CSMD1: variants seen among roughly 807,000 people sequenced by gnomAD.
CSMD1 encodes CUB and Sushi multiple domains 1.
Under a neutral mutation model 417.5 loss-of-function variants are expected in CSMD1, and 213 were observed. The observed-to-expected ratio is 0.51, with a 90% CI of 0.46 to 0.57. The LOEUF (loss-of-function observed/expected upper bound fraction) is 0.57. Ranked by LOEUF, CSMD1 falls within the 20% of genes least tolerant of loss-of-function variation. The probability of loss-of-function intolerance (pLI) is 0.00; values close to 1 mark genes in which losing one functional copy is unlikely to be tolerated. For missense variants in CSMD1, 6,923 were observed against 4,529.7 expected, an observed-to-expected ratio of 1.53 and a Z score of -15.17; for synonymous variants, 2,862 against 1,736.8, an observed-to-expected ratio of 1.65 and a Z score of -16.11.
rs958373535 is a variant in CSMD1 at position 3,679,949 on chromosome 8, G to A, written c.1009+28465C>T. Reference sequence around the variant, plus strand: ...CCTGAATGACTACTGGGTACATAACGAAATGAAGGCAGAAATAAAGATGTT... The same window carrying A: ...CCTGAATGACTACTGGGTACATAACAAAATGAAGGCAGAAATAAAGATGTT... On this transcript the variant is annotated intron_variant, in intron 7 of 69. Transcript: ENST00000635120. Among the ~76,000 whole-genome samples the A allele has an allele frequency of 3.9e-5, 6 of 152,084 alleles. No individual in the cohort carries two copies. The South Asian group carries it at 8.3e-4, about 21-fold the overall frequency.
intron 5 of CSMD1, among the ~76,000 whole-genome samples, chr8:3,956,874 G>T (rs1473801258): frequency 6.6e-6 from 1 of 152,128 alleles, no homozygotes; most frequent in East Asian, 1.9e-4. Flanking sequence ...TTGGAATGCT[G>T]CAAATGTACA....
At chr8:4,217,220 T>C (rs1800736624) in intron 3 of CSMD1, among the ~76,000 whole-genome samples, 1 of 152,226 alleles carries the variant, frequency 6.6e-6, no homozygotes, top group Non-Finnish European at 1.5e-5. Context: ...CAATTACTCT[T>C]CTTGATATAA....
At chr8:4,041,595 C>A (rs371624930) in intron 3 of CSMD1, among the ~76,000 whole-genome samples, 28 of 152,030 alleles carry the variant, frequency 1.8e-4, no homozygotes, top group Admixed American at 1.2e-3. Context: ...GGCATCCAAT[C>A]AAAAAGTAAT....
intron 3 of CSMD1, among the ~76,000 whole-genome samples, chr8:4,123,278 A>C (rs1352406889): frequency 2.6e-5 from 4 of 152,212 alleles, no homozygotes; most frequent in African/African-American, 9.6e-5. Flanking sequence ...CTTTTAGAAT[A>C]TATTAGGTCA....
chr8:3,990,131 G>A (rs10109544), intron 5 of CSMD1, among the ~76,000 whole-genome samples: 4,405 of 152,238 alleles, frequency 0.029, 194 homozygotes, highest in African/African-American at 0.098. Flanking sequence ...ATTTAACAGC[G>A]TTAATTTAGT....
intron 3 of CSMD1, among the ~76,000 whole-genome samples, chr8:4,072,928 T>G (rs1044264533): frequency 6.6e-6 from 1 of 152,198 alleles, no homozygotes; most frequent in South Asian, 2.1e-4. Context: ...TATTACCACT[T>G]AGAACATTCT....
At position 3,306,393 on chromosome 8, in the gene CSMD1, C is replaced by G. The variant is rs189297617; in HGVS notation, c.3950+1302G>C. On this transcript the variant is annotated intron_variant, in intron 25 of 69. Coordinates refer to ENST00000635120, the MANE Select transcript of CSMD1 (RefSeq NM_033225.6). ...TTTGCCATGCTGGCCAGGCTGATCT[C>G]GAACTACTGATCTTAAGTGATCCAC... 5.9e-5 allele frequency among the ~76,000 whole-genome samples: 9 copies of G among 152,256 alleles called. No homozygotes were observed. The East Asian group carries it at 1.2e-3, about 20-fold the overall frequency.
intron 1 of CSMD1, among the ~76,000 whole-genome samples, chr8:4,770,574 G>C (rs1415364229): frequency 6.6e-6 from 1 of 151,730 alleles, no homozygotes; most frequent in African/African-American, 2.4e-5. Context: ...ATAGTACAAA[G>C]TTATAGTAAT....
chr8:4,044,487 C>A (rs1397622091), intron 3 of CSMD1, among the ~76,000 whole-genome samples: 1 of 152,154 alleles, frequency 6.6e-6, no homozygotes, highest in Non-Finnish European at 1.5e-5. Context: ...CTCAGGGGAC[C>A]AGCGACCCCT....
intron 2 of CSMD1, among the ~76,000 whole-genome samples, chr8:4,568,128 A>G (rs1428358826): frequency 1.3e-5 from 2 of 152,214 alleles, no homozygotes; most frequent in African/African-American, 2.4e-5. Context: ...ATTCACATCT[A>G]AGATGCTTTG....
At chr8:4,849,412 G>T (rs1319073302) in intron 1 of CSMD1, among the ~76,000 whole-genome samples, 2 of 151,502 alleles carry the variant, frequency 1.3e-5, no homozygotes, top group African/African-American at 2.4e-5. Context: ...AATACTTTTT[G>T]TAAGTTTGCT....
intron 3 of CSMD1, among the ~76,000 whole-genome samples, chr8:4,375,905 A>G (rs537351059): frequency 6.6e-6 from 1 of 152,300 alleles, no homozygotes; most frequent in African/African-American, 2.4e-5. Flanking sequence ...CCTTCAGGAT[A>G]CGGCCACCAC....
chr8:4,806,175 A>AC (rs1416583750), intron 1 of CSMD1, among the ~76,000 whole-genome samples: 1 of 152,186 alleles, frequency 6.6e-6, no homozygotes, highest in Non-Finnish European at 1.5e-5. Context: ...CATGTGAAGC[A>AC]CCCAGACAGC....
intron 3 of CSMD1, among the ~76,000 whole-genome samples, chr8:4,362,489 C>G (rs924348678): frequency 6.6e-6 from 1 of 152,210 alleles, no homozygotes; most frequent in Admixed American, 6.5e-5. Context: ...CTTCAGAGAA[C>G]TCTTCCTCAT....
At chr8:3,849,323 C>T (rs73508759) in intron 5 of CSMD1, among the ~76,000 whole-genome samples, 3,687 of 152,140 alleles carry the variant, frequency 0.024, 154 homozygotes, top group African/African-American at 0.085. Context: ...AGTTTCTGCA[C>T]CAGAATTTGG....
intron 3 of CSMD1, among the ~76,000 whole-genome samples, chr8:4,402,398 C>G (rs1298683629): frequency 6.6e-6 from 1 of 152,110 alleles, no homozygotes. Context: ...GACCTCTCCG[C>G]TAGCCTTATT....
At position 3,861,423 on chromosome 8, in the gene CSMD1, C is replaced by A. The variant is rs79831353; in HGVS notation, c.819-107381G>T. The stretch of plus-strand genomic sequence containing the variant: ...GAAAATAACCCTGATTGGTAAATTG[C>A]ATCTGACTGGGGGTACTATGAATGA... On this transcript the variant is annotated intron_variant, in intron 5 of 69. Transcript: ENST00000635120. 3.4e-3 allele frequency among the ~76,000 whole-genome samples: 514 copies of A among 152,322 alleles called. 12 individuals are homozygous for A. In the East Asian group the frequency reaches 0.034, roughly 10 times the overall value.
intron 50 of CSMD1, among the ~76,000 whole-genome samples, chr8:3,050,627 A>G (rs1028095035): frequency 2.0e-5 from 3 of 152,222 alleles, no homozygotes; most frequent in Non-Finnish European, 4.4e-5. Flanking sequence ...ACTTAATTGC[A>G]ATAAAATAGT....
intron 7 of CSMD1, among the ~76,000 whole-genome samples, chr8:3,629,695 G>T (rs1039271118): frequency 2.6e-5 from 4 of 151,716 alleles, no homozygotes; most frequent in African/African-American, 2.4e-5. Flanking sequence ...AGATAGAAAA[G>T]ACCACATGAT....
Sources: gnomAD v4.1 joint callset for allele counts (sites outside exome capture counted in the v4.1 genomes callset) on GRCh38, gnomAD v4.1.1 for gene constraint, MANE v1.5 for transcripts, NCBI Gene and HGNC (gene_info 2026-07-23, HGNC 2026-07-21) for gene names.